Variants in C9orf85 observed in about 807,000 individuals in gnomAD.
The protein encoded by C9orf85 is chromosome 9 open reading frame 85, also known as uncharacterized protein C9orf85.
Under a neutral mutation model 14.9 loss-of-function variants are expected in C9orf85, and 16 were observed. The observed-to-expected ratio is 1.08, with a 90% CI of 0.73 to 1.63. C9orf85 has a LOEUF of 1.63. Ranked by LOEUF, C9orf85 falls within the 40% of genes most tolerant of loss-of-function variation. C9orf85 has a pLI of 0.00. For missense variants in C9orf85, 172 were observed against 186.1 expected (o/e 0.92, Z 0.44); for synonymous variants, 45 against 56.8 (o/e 0.79, Z 0.93).
chr9:71,936,297 C>T (rs564275196), intron 1 of C9orf85, among the ~76,000 whole-genome samples: 21 of 152,130 alleles, frequency 1.4e-4, no homozygotes, highest in Admixed American at 5.9e-4. Context: ...ATTGCTGAGG[C>T]TGTAGTTATG....
rs1251132007 is a variant in C9orf85 at position 71,972,781 on chromosome 9, A to T, written c.413A>T (p.Asp138Val). 1 of 1,610,450 alleles carries T rather than the reference A, an allele frequency of 6.2e-7. No homozygotes were observed. The highest frequency in any genetic ancestry group is 1.1e-5 in the South Asian group (1 of 90,894). ...AGCTGCAGAAGAAATGAAGAAAGTG[A>T]TGATGATTTAGATTTTGATATTGAT... Reference protein sequence around the residue: ...RRSCRRNEESDDDLDFDIDLE... With the variant: ...RRSCRRNEESVDDLDFDIDLE... The change falls in exon 4 of 4, where the codon GAT becomes GTT. Residue 138 changes from aspartate to valine, a missense_variant. Physicochemically the swap from Asp to Val is radical, Grantham distance 152. Coordinates refer to ENST00000334731, the MANE Select transcript of C9orf85 (RefSeq NM_182505.5).
At chr9:71,982,687 G>T (rs1413999149) in exon 4 of C9orf85, 1 of 353,422 alleles carries the variant, frequency 2.8e-6, no homozygotes, top group East Asian at 1.1e-4. Flanking sequence ...CCAGGCTGGA[G>T]TGCAGTGGCA....
intron 2 of C9orf85, among the ~76,000 whole-genome samples, chr9:71,963,372 G>A (rs1007029389): frequency 3.3e-5 from 5 of 152,162 alleles, no homozygotes; most frequent in African/African-American, 9.6e-5. Context: ...AGGTGACGGC[G>A]TGCTGGCAGT....
At chr9:71,911,898 A>T in intron 1 of C9orf85, 62 bp downstream of exon 1, 1 of 1,484,704 alleles carries the variant, frequency 6.7e-7, no homozygotes, top group Non-Finnish European at 9.4e-7. Context: ...TGGAGAGGGG[A>T]GAGAGGAAAT....
chr9:71,971,868 G>A (rs972024591), intron 3 of C9orf85, among the ~76,000 whole-genome samples: 6 of 151,750 alleles, frequency 4.0e-5, no homozygotes, highest in African/African-American at 1.5e-4. Flanking sequence ...CAATTACTCG[G>A]GAGTCTAAGG....
At chr9:71,976,130 T>C (rs934247826), downstream of C9orf85, among the ~76,000 whole-genome samples, 1 of 152,230 alleles carries the variant, frequency 6.6e-6, no homozygotes, top group African/African-American at 2.4e-5. Context: ...CCTCTACATA[T>C]ATTTTTAGGA....
intron 1 of C9orf85, among the ~76,000 whole-genome samples, chr9:71,937,358 T>C (rs962449869): frequency 1.3e-5 from 2 of 152,206 alleles, no homozygotes; most frequent in African/African-American, 4.8e-5. Flanking sequence ...GTGGTTAGTT[T>C]GTACACAGAC....
At chr9:71,965,364 C>G (rs1379336633) in intron 2 of C9orf85, among the ~76,000 whole-genome samples, 1 of 152,136 alleles carries the variant, frequency 6.6e-6, no homozygotes, top group African/African-American at 2.4e-5. Context: ...AAGGTGGATG[C>G]GGTCACCTTC....
downstream of C9orf85, among the ~76,000 whole-genome samples, chr9:71,977,203 G>A (rs1196110620): frequency 9.7e-6 from 1 of 103,564 alleles, no homozygotes; most frequent in Non-Finnish European, 1.9e-5. Context: ...TTTAAATAAA[G>A]TTTCTTTTGT....
intron 1 of C9orf85, among the ~76,000 whole-genome samples, chr9:71,918,237 T>C (rs1204495983): frequency 6.6e-6 from 1 of 152,192 alleles, no homozygotes; most frequent in East Asian, 1.9e-4. Context: ...GTTCTGTTTT[T>C]GTTTGCTTGC....
chr9:71,936,095 G>T (rs1828183845), intron 1 of C9orf85, among the ~76,000 whole-genome samples: 1 of 151,968 alleles, frequency 6.6e-6, no homozygotes, highest in African/African-American at 2.4e-5. Flanking sequence ...TTAAAGATGA[G>T]GTTTGGGACA....
Position 71,972,778 on chromosome 9 carries a change from G to A in C9orf85, c.410G>A (p.Ser137Asn), listed in dbSNP as rs1342907218. ...AGAAGCTGCAGAAGAAATGAAGAAAGTGATGATGATTTAGATTTTGATATT... is the reference window on the plus strand; with the variant it reads ...AGAAGCTGCAGAAGAAATGAAGAAAATGATGATGATTTAGATTTTGATATT... ...HRRSCRRNEE[S>N]DDDLDFDIDL... The change falls in exon 4 of 4, where the codon AGT (serine) becomes AAT (asparagine). Residue 137 changes from serine to asparagine, a missense_variant. Transcript: ENST00000334731. The A allele has an allele frequency of 6.2e-7, 1 of 1,610,662 alleles. No homozygotes were observed. Among genetic ancestry groups the A allele is most frequent in the Non-Finnish European group, 8.5e-7 (1 of 1,177,696 alleles).
chr9:71,939,014 T>G (rs1002846796), intron 1 of C9orf85, among the ~76,000 whole-genome samples: 4 of 151,710 alleles, frequency 2.6e-5, no homozygotes, highest in Non-Finnish European at 4.4e-5. Context: ...ATACTTGAAG[T>G]GCTGCAAAGT....
intron 2 of C9orf85, among the ~76,000 whole-genome samples, chr9:71,953,892 A>C (rs1822308371): frequency 6.6e-6 from 1 of 152,048 alleles, no homozygotes; most frequent in African/African-American, 2.4e-5. Flanking sequence ...TGATTCTAGG[A>C]GTTTGAGACT....
At chr9:71,922,254 G>A (rs905488298) in intron 1 of C9orf85, among the ~76,000 whole-genome samples, 6 of 151,906 alleles carry the variant, frequency 3.9e-5, no homozygotes, top group Non-Finnish European at 8.8e-5. Flanking sequence ...GTGTTTTAAT[G>A]TCCTAGATTC....
Position 71,972,802 on chromosome 9 carries a change from T to C in C9orf85, c.434T>C (p.Ile145Thr), listed in dbSNP as rs971316824. 1 of 1,610,970 alleles carries C rather than the reference T, an allele frequency of 6.2e-7. No homozygotes were observed. The highest frequency in any genetic ancestry group is 1.3e-5 in the African/African-American group (1 of 74,854). Residue 145 changes from isoleucine (I) to threonine (T), a missense_variant, in exon 4 of 4, where the codon ATT becomes ACT. Physicochemically the swap from Ile to Thr is moderately conservative, Grantham distance 89. Coordinates refer to ENST00000334731, the MANE Select transcript of C9orf85 (RefSeq NM_182505.5). ...EESDDDLDFD[I>T]DLEDTGGDHQ... ...AGTGATGATGATTTAGATTTTGATATTGATTTAGAAGACACAGGAGGAGAC... is the reference window on the plus strand; with the variant it reads ...AGTGATGATGATTTAGATTTTGATACTGATTTAGAAGACACAGGAGGAGAC...
chr9:71,939,412 G>A (rs1384305850), intron 1 of C9orf85, among the ~76,000 whole-genome samples: 1 of 151,880 alleles, frequency 6.6e-6, no homozygotes, highest in Non-Finnish European at 1.5e-5. Flanking sequence ...CCAAATACTA[G>A]CATATGGAAT....
At chr9:71,918,505 C>G (rs557179631) in intron 1 of C9orf85, 6 of 1,201,140 alleles carry the variant, frequency 5.0e-6, no homozygotes, top group East Asian at 5.8e-5. Flanking sequence ...ACCCCCGCAT[C>G]GGTCCATGGC....
chr9:71,958,825 A>G (rs1822441674), intron 2 of C9orf85, among the ~76,000 whole-genome samples: 1 of 152,122 alleles, frequency 6.6e-6, no homozygotes, highest in Non-Finnish European at 1.5e-5. Context: ...TTTGCTGGCC[A>G]AACCTCTTCC....
Sources: allele counts gnomAD v4.1 joint callset (sites outside exome capture counted in the v4.1 genomes callset), GRCh38; gene constraint gnomAD v4.1.1; transcripts MANE v1.5; gene names NCBI Gene and HGNC (gene_info 2026-07-23, HGNC 2026-07-21).